The following XRN1 variants were observed in gnomAD, a reference collection of about 807,000 sequenced individuals.
The protein encoded by XRN1 is 5'-3' exoribonuclease 1.
XRN1 carries 67 observed loss-of-function variants against 222.3 expected under a neutral mutation model. The ratio of observed to expected loss-of-function variants is 0.30; its 90% CI spans 0.25 to 0.37. The LOEUF (loss-of-function observed/expected upper bound fraction) is 0.37. Ranked by LOEUF, XRN1 falls within the 10% of genes least tolerant of loss-of-function variation. The pLI is 1.00. For synonymous variants in XRN1, 643 were observed against 652.4 expected (o/e 0.99, Z 0.22); for missense variants, 1,707 against 2,000.2 (o/e 0.85, Z 2.80).
chr3:142,397,395 T>A lies in XRN1; in HGVS notation c.2273A>T (p.Lys758Ile), dbSNP rs1442988813. ...TTCTTTATCTCCAAGATGAACCACTTTAGATGGTGGGGCAGTTCTTCCTGA... is the reference window on the plus strand; with the variant it reads ...TTCTTTATCTCCAAGATGAACCACTATAGATGGTGGGGCAGTTCTTCCTGA... ...LYSGRTAPPS[K>I]VVHLGDKEQS... Residue 758 changes from lysine to isoleucine, a missense_variant, in exon 20 of 41, where the codon AAA (lysine) becomes ATA (isoleucine). Coordinates refer to ENST00000392981, the MANE Select transcript of XRN1 (RefSeq NM_001282857.2). 3 of 1,610,056 alleles carry A rather than the reference T, an allele frequency of 1.9e-6. No individual in the cohort carries two copies. Among genetic ancestry groups the A allele is most frequent in the Non-Finnish European group, 2.5e-6 (3 of 1,177,762 alleles).
chr3:142,354,425 G>A (rs2066403776), intron 32 of XRN1, among the ~76,000 whole-genome samples: 1 of 152,156 alleles, frequency 6.6e-6, no homozygotes, highest in African/African-American at 2.4e-5. Context: ...CCATTGTTGG[G>A]TATATACCCC....
chr3:142,335,292 T>C (rs1251844269), intron 34 of XRN1, among the ~76,000 whole-genome samples, 156 bp downstream of exon 34: 1 of 152,088 alleles, frequency 6.6e-6, no homozygotes. Flanking sequence ...GTGTACAACC[T>C]CCCATCCAAG....
chr3:142,363,355 T>C (rs2066711233), intron 29 of XRN1, among the ~76,000 whole-genome samples: 1 of 152,172 alleles, frequency 6.6e-6, no homozygotes, highest in South Asian at 2.1e-4. Context: ...TTTTTTTTCT[T>C]ATTACTCACC....
chr3:142,416,741 A>G (rs992760867), intron 13 of XRN1, among the ~76,000 whole-genome samples: 12 of 152,048 alleles, frequency 7.9e-5, no homozygotes, highest in East Asian at 1.9e-4. Flanking sequence ...AAAAATTACC[A>G]TAAGTAGAGG....
intron 37 of XRN1, among the ~76,000 whole-genome samples, chr3:142,323,845 A>G (rs1448318292): frequency 6.6e-6 from 1 of 150,974 alleles, no homozygotes; most frequent in Non-Finnish European, 1.5e-5. Context: ...TAAATTTTTT[A>G]AGTAGTTAAT....
At chr3:142,432,636 C>A in intron 2 of XRN1, 25 bp downstream of exon 2, 1 of 1,507,172 alleles carries the variant, frequency 6.6e-7, no homozygotes, top group Middle Eastern at 1.9e-4. Context: ...AAATAATATT[C>A]CAAAATAAAA....
chr3:142,317,879 T>C (rs907705139), intron 39 of XRN1, among the ~76,000 whole-genome samples: 1 of 151,900 alleles, frequency 6.6e-6, no homozygotes, highest in Admixed American at 6.6e-5. Context: ...ACTTCTGCAG[T>C]TGTTTTTCTC....
chr3:142,332,236 ACAGCAAGAC>A (rs2107919652), intron 36 of XRN1, 130 bp downstream of exon 36: 1 of 731,824 alleles, frequency 1.4e-6, no homozygotes, highest in East Asian at 2.8e-5. Flanking sequence ...CCTGGCCAAC[ACAGCAAGAC>A]ACCATCTCTA....
chr3:142,399,238 G>GA (rs58300200), intron 19 of XRN1, among the ~76,000 whole-genome samples: 2,400 of 59,048 alleles, frequency 0.041, 40 homozygotes, highest in African/African-American at 0.074. Context: ...AAACAATTCT[G>GA]AAAAAAAAAA....
intron 33 of XRN1, among the ~76,000 whole-genome samples, chr3:142,345,346 T>G (rs1394540761): frequency 6.6e-6 from 1 of 152,202 alleles, no homozygotes; most frequent in African/African-American, 2.4e-5. Context: ...GATATCCACA[T>G]GCAGAAGAAT....
In XRN1 at chr3:142,329,576, T is replaced by C. The variant is rs767995337; in HGVS notation, c.4262A>G (p.His1421Arg). 2.5e-6 allele frequency: 4 copies of C among 1,575,006 alleles called. No individual in the cohort carries two copies. The highest frequency in any genetic ancestry group is 1.4e-5 in the African/African-American group (1 of 72,322). ...MNKPHSANEY[H>R]NVQSMDNMCW... is the part of the protein sequence containing the mutation. Reference sequence around the variant, plus strand: ...CATATTGTCCATAGACTGAACATTATGGTACTCATTAGCACTGTGAGGCTT... The same window carrying C: ...CATATTGTCCATAGACTGAACATTACGGTACTCATTAGCACTGTGAGGCTT... The change falls in exon 37 of 41, where the codon CAT (histidine) becomes CGT (arginine). Residue 1421 changes from histidine to arginine, a missense_variant. Around this residue, in one of 2 missense-constraint regions of XRN1, gnomAD observed 473 missense variants for 482.0 expected, o/e 0.98. Coordinates refer to ENST00000392981, the MANE Select transcript of XRN1 (RefSeq NM_001282857.2).
chr3:142,321,105 CTTT>C (rs573856556), intron 37 of XRN1, among the ~76,000 whole-genome samples: 10 of 87,308 alleles, frequency 1.1e-4, no homozygotes, highest in Non-Finnish European at 1.9e-4. Flanking sequence ...CATCCACTTC[CTTT>C]TTTTTTTTTT....
At position 142,380,112 on chromosome 3, in the gene XRN1, G is replaced by C; in HGVS notation, c.2685C>G (p.Pro895=). Residue 895 remains proline, a synonymous_variant, in exon 23 of 41, where the codon CCC becomes CCG. Coordinates refer to ENST00000392981, the MANE Select transcript of XRN1 (RefSeq NM_001282857.2). ...IRVIFSIPCE[P]NLDALIQNQH... ...GGTTCTGTATTAAAGCATCAAGATT[G>C]GGTTCACATGGAATGCTGAAAATCA... 6.2e-7 allele frequency: 1 copy of C among 1,613,802 alleles called. No homozygotes were observed. The highest frequency in any genetic ancestry group is 1.1e-5 in the South Asian group (1 of 91,056).
In XRN1 at chr3:142,412,558, G is replaced by A; in HGVS notation, c.1699C>T (p.Pro567Ser). Residue 567 changes from proline to serine, a missense_variant, in exon 15 of 41, where the codon CCT becomes TCT. Coordinates refer to ENST00000392981, the MANE Select transcript of XRN1 (RefSeq NM_001282857.2). ...QQEWEAVVLIPFIDEKRLLEA... is the reference protein window; with the variant it reads ...QQEWEAVVLISFIDEKRLLEA... Reference sequence around the variant, plus strand: ...CATGCACTGACCTCATCAATAAAAGGGATTAACACCACAGCTTCCCATTCC... The same window carrying A: ...CATGCACTGACCTCATCAATAAAAGAGATTAACACCACAGCTTCCCATTCC... The A allele has an allele frequency of 6.2e-7, 1 of 1,605,474 alleles. No homozygotes were observed. The highest frequency in any genetic ancestry group is 2.2e-5 in the East Asian group (1 of 44,684).
chr3:142,318,726 G>A (rs981702880), intron 38 of XRN1, 32 bp from the exon 39 acceptor site: 1 of 1,609,238 alleles, frequency 6.2e-7, no homozygotes, highest in African/African-American at 1.3e-5. Flanking sequence ...ACAAGACAAT[G>A]CAATACAAGC....
At chr3:142,393,200 A>T (rs1182017161) in intron 20 of XRN1, among the ~76,000 whole-genome samples, 37 of 141,210 alleles carry the variant, frequency 2.6e-4, no homozygotes, top group South Asian at 1.4e-3. Flanking sequence ...AATTTGTTTG[A>T]GTTCATTGTA....
At chr3:142,439,463 A>C (rs1402196235) in intron 1 of XRN1, among the ~76,000 whole-genome samples, 1 of 152,238 alleles carries the variant, frequency 6.6e-6, no homozygotes, top group African/African-American at 2.4e-5. Flanking sequence ...GAAGCCTATG[A>C]ATTATTCAAT....
intron 34 of XRN1, among the ~76,000 whole-genome samples, chr3:142,334,775 C>CAT (rs1239979051): frequency 1.1e-4 from 17 of 148,956 alleles, no homozygotes; most frequent in Non-Finnish European, 1.8e-4. Flanking sequence ...TATACACACA[C>CAT]ACACACACAC....
intron 36 of XRN1, 74 bp downstream of exon 36, chr3:142,332,301 T>G (rs1577234817): frequency 1.7e-6 from 2 of 1,143,706 alleles, no homozygotes; most frequent in Non-Finnish European, 2.4e-6. Context: ...TCTTTAAAAG[T>G]ACATGATTAA....
Sources: gnomAD v4.1 joint callset for allele counts (sites outside exome capture counted in the v4.1 genomes callset) on GRCh38, gnomAD v4.1.1 for gene constraint, gnomAD v4.1.1 regional missense constraint, MANE v1.5 for transcripts, NCBI Gene and HGNC (gene_info 2026-07-23, HGNC 2026-07-21) for gene names.